ANO7: variants seen among roughly 807,000 people sequenced by gnomAD.
The protein encoded by ANO7 is anoctamin 7, also known as anoctamin-7.
A neutral mutation model predicts 115.8 loss-of-function variants in ANO7; 114 were observed. The observed-to-expected ratio is 0.98, with a 90% CI of 0.85 to 1.15. The LOEUF is 1.15. Ranked by LOEUF, ANO7 falls within the 50% of genes most tolerant of loss-of-function variation. The probability of loss-of-function intolerance (pLI) is 0.00; values close to 1 mark genes in which losing one functional copy is unlikely to be tolerated. For synonymous variants in ANO7, 550 were observed against 498.2 expected, an observed-to-expected ratio of 1.10 and a Z score of -1.38; for missense variants, 1,302 against 1,201.2, an observed-to-expected ratio of 1.08 and a Z score of -1.24.
In ANO7 at chr2:241,210,461, C is replaced by T; in HGVS notation, c.1459-7C>T. 1 of 1,613,892 alleles carries T rather than the reference C, an allele frequency of 6.2e-7. No individual in the cohort carries two copies. The highest frequency in any genetic ancestry group is 8.5e-7 in the Non-Finnish European group (1 of 1,179,876). On this transcript the variant is annotated splice_region_variant and splice_polypyrimidine_tract_variant and intron_variant, in intron 14 of 24. Coordinates refer to ENST00000674324, the MANE Select transcript of ANO7 (RefSeq NM_001370694.2). ...TCATCCGGCTCTGACGGCCTGTCTC[C>T]CGTTAGGCCTCTCGCATCGCCAGCC...
At chr2:241,234,631 C>T in the ANO7 span, among the ~76,000 whole-genome samples, 1 of 152,224 alleles carries the variant, frequency 6.6e-6, no homozygotes, top group Non-Finnish European at 1.5e-5. Context: ...AAATGTCAGC[C>T]CTGCCAGAGG....
chr2:241,188,788 G>T lies in ANO7; in HGVS notation c.-8+22G>T. On this transcript the variant is annotated intron_variant, in intron 1 of 24. Coordinates refer to ENST00000674324, the MANE Select transcript of ANO7 (RefSeq NM_001370694.2). This position sits in a 1 kb window ranked among gnomAD's most constrained non-coding sequence, Gnocchi z 4.3. ...CCAGGTGGGGACCCAGCCTAGACGT[G>T]TGGGCCACAGGGAGAAGGTGGAGCG... 1 of 1,606,116 alleles carries T rather than the reference G, an allele frequency of 6.2e-7. No individual in the cohort carries two copies. Among genetic ancestry groups the T allele is most frequent in the Non-Finnish European group, 8.5e-7 (1 of 1,175,476 alleles).
At chr2:241,196,989 A>G (rs1429556462) in intron 4 of ANO7, among the ~76,000 whole-genome samples, 1 of 152,198 alleles carries the variant, frequency 6.6e-6, no homozygotes, top group African/African-American at 2.4e-5. Context: ...CACCATCGGC[A>G]GTGGCCTGAG....
rs1408744805 is a variant in ANO7 at position 241,210,711 on chromosome 2, A to G, written c.1561+141A>G. On this transcript the variant is annotated intron_variant, in intron 15 of 24. Coordinates refer to ENST00000674324, the MANE Select transcript of ANO7 (RefSeq NM_001370694.2). ...CTTTTTTCTTTTGAGACAGGATCTC[A>G]CTCTGTTGCCCAAGCTGGAGTGCAC... 7 of 757,480 alleles carry G rather than the reference A, an allele frequency of 9.2e-6. No homozygotes were observed. The Admixed American group carries it at 1.4e-4, about 15-fold the overall frequency. 46.9% of individuals were successfully genotyped at this position (757,480 alleles called of 1,614,324 possible). A position where few individuals can be genotyped will look rare whatever the true frequency, so the allele number is the denominator to read the frequency against.
intron 21 of ANO7, among the ~76,000 whole-genome samples, chr2:241,222,700 C>T (rs948579833): frequency 8.6e-5 from 13 of 152,006 alleles, no homozygotes; most frequent in African/African-American, 3.1e-4. Flanking sequence ...GGGACAGAGA[C>T]ACAGGAAGAT....
chr2:241,189,128 G>A (rs11694323), intron 1 of ANO7, among the ~76,000 whole-genome samples: 5 of 152,106 alleles, frequency 3.3e-5, no homozygotes, highest in Non-Finnish European at 5.9e-5. Flanking sequence ...CTGGGTGGCC[G>A]AAACTCCTCG....
At position 241,202,359 on chromosome 2, in the gene ANO7, G is replaced by T; in HGVS notation, c.723+55G>T. Reference sequence around the variant, plus strand: ...GGGTATGGGAGATGAGTCCCCTTGGGTCCTGTTGGCCCCCAGGGAGGCGGG... The same window carrying T: ...GGGTATGGGAGATGAGTCCCCTTGGTTCCTGTTGGCCCCCAGGGAGGCGGG... On this transcript the variant is annotated intron_variant, in intron 8 of 24. Coordinates refer to ENST00000674324, the MANE Select transcript of ANO7 (RefSeq NM_001370694.2). 2.6e-6 allele frequency: 4 copies of T among 1,542,548 alleles called. No individual in the cohort carries two copies. In the South Asian group the frequency reaches 4.4e-5, roughly 17 times the overall value.
At chr2:241,193,839 T>G (rs2068258219) in intron 3 of ANO7, among the ~76,000 whole-genome samples, 1 of 152,210 alleles carries the variant, frequency 6.6e-6, no homozygotes, top group Non-Finnish European at 1.5e-5. Context: ...TGGTATTTTC[T>G]CCATTTATTT....
rs1197561580 is a variant in ANO7 at position 241,217,815 on chromosome 2, T to A, written c.2102T>A (p.Val701Glu). The part of the protein sequence containing the change: ...RKFVCEYRRP[V>E]AERAQDIGIW... ...TTCGTCTGCGAGTACCGGCGCCCGGTGGCCGAGCGCGCCCAGGACATCGGC... is the reference window on the plus strand; with the variant it reads ...TTCGTCTGCGAGTACCGGCGCCCGGAGGCCGAGCGCGCCCAGGACATCGGC... The change falls in exon 20 of 25, where the codon GTG becomes GAG. Residue 701 changes from valine to glutamate, a missense_variant. By Grantham distance (121) the Val-to-Glu change is moderately radical (BLOSUM62 -2). Coordinates refer to ENST00000674324, the MANE Select transcript of ANO7 (RefSeq NM_001370694.2). 6 of 1,609,688 alleles carry A rather than the reference T, an allele frequency of 3.7e-6. No individual in the cohort carries two copies. Among genetic ancestry groups the A allele is most frequent in the Non-Finnish European group, 3.4e-6 (4 of 1,178,928 alleles).
rs1475571265 is a variant in ANO7 at position 241,207,097 on chromosome 2, G to A, written c.981-477G>A. Among the ~76,000 whole-genome samples, 295 of 122,974 alleles carry A rather than the reference G, an allele frequency of 2.4e-3. 1 individual carries two copies. The highest frequency in any genetic ancestry group is 4.8e-3 in the Middle Eastern group (1 of 210). The allele number at this position is 122,974 out of a possible 152,430, so 80.7% of individuals were successfully genotyped here. On this transcript the variant is annotated intron_variant, in intron 10 of 24. Coordinates refer to ENST00000674324, the MANE Select transcript of ANO7 (RefSeq NM_001370694.2). ...GCTCCCAGGCTGACACAGGTAGACAGGAGTGCTCCCAGTCTGACAGGTGGA... is the reference window on the plus strand; with the variant it reads ...GCTCCCAGGCTGACACAGGTAGACAAGAGTGCTCCCAGTCTGACAGGTGGA...
At chr2:241,212,246 C>G in intron 16 of ANO7, 41 bp downstream of exon 16, 1 of 1,530,574 alleles carries the variant, frequency 6.5e-7, no homozygotes, top group South Asian at 1.1e-5. Flanking sequence ...CTTGTCCCGG[C>G]TTAGTTCTGC....
At chr2:241,235,560 G>A in the ANO7 span, 2 of 1,613,922 alleles carry the variant, frequency 1.2e-6, no homozygotes, top group African/African-American at 1.3e-5. Flanking sequence ...AAGGTCAAAG[G>A]GCACCTCTAC....
In ANO7 at chr2:241,223,805, G is replaced by A. The variant is rs371543070; in HGVS notation, c.2532+24G>A. The A allele has an allele frequency of 3.1e-6, 5 of 1,614,078 alleles. No individual in the cohort carries two copies. In the African/African-American group the frequency reaches 4.0e-5, roughly 13 times the overall value. The stretch of plus-strand genomic sequence containing the variant: ...AGGTGAACTGTACAGCCCAGTCTCG[G>A]CCCTCCCCCCAGCCCTCTCCCTATC... On this transcript the variant is annotated intron_variant, in intron 23 of 24. Transcript: ENST00000674324.
At chr2:241,193,858 T>G (rs2068258406) in intron 3 of ANO7, among the ~76,000 whole-genome samples, 1 of 152,210 alleles carries the variant, frequency 6.6e-6, no homozygotes, top group South Asian at 2.1e-4. Context: ...TTAGGTCTAC[T>G]TTAATTTCTC....
chr2:241,204,045 C>T (rs2068533584), intron 9 of ANO7, among the ~76,000 whole-genome samples: 1 of 152,210 alleles, frequency 6.6e-6, no homozygotes, highest in Admixed American at 6.5e-5. Flanking sequence ...CACAGCCCCA[C>T]CGTGGACCCA....
In ANO7 at chr2:241,204,899, G is replaced by A; in HGVS notation, c.924G>A (p.Val308=). ...CAGGCTGGCTCCTGCCAGCGGCAGT[G>A]GTGGGCACACTGGTGTTCCTGGTGG... ...FYTGWLLPAA[V]VGTLVFLVGC... Residue 308 remains valine, a synonymous_variant, in exon 10 of 25, where the codon GTG becomes GTA. Transcript: ENST00000674324. The A allele has an allele frequency of 6.2e-7, 1 of 1,614,026 alleles. No homozygotes were observed.
At chr2:241,223,826 C>T in intron 23 of ANO7, 45 bp downstream of exon 23, 1 of 1,614,184 alleles carries the variant, frequency 6.2e-7, no homozygotes, top group Non-Finnish European at 8.5e-7. Flanking sequence ...AGCCCTCTCC[C>T]TATCCTTGTC....
intron 21 of ANO7, 21 bp downstream of exon 21, chr2:241,218,402 A>G: frequency 7.8e-7 from 1 of 1,275,952 alleles, no homozygotes. Context: ...CGCCAGGTGG[A>G]GGGGGCCGCG....
chr2:241,211,606 G>A (rs1432106824), intron 15 of ANO7, among the ~76,000 whole-genome samples: 1 of 152,190 alleles, frequency 6.6e-6, no homozygotes, highest in Non-Finnish European at 1.5e-5. Context: ...ACCTTTGCAG[G>A]TGGCAGGTGT....
Sources: gnomAD v4.1 joint callset for allele counts (sites outside exome capture counted in the v4.1 genomes callset) on GRCh38, gnomAD v4.1.1 for gene constraint, Gnocchi (gnomAD v3.1) non-coding constraint, MANE v1.5 for transcripts, NCBI Gene and HGNC (gene_info 2026-07-23, HGNC 2026-07-21) for gene names.